Variants in PMS1 observed in about 807,000 individuals in gnomAD.
The protein encoded by PMS1 is PMS1 protein homolog 1.
PMS1 carries 79 observed loss-of-function variants against 93.1 expected under a neutral mutation model. That is an observed-to-expected ratio of 0.85 (90% CI 0.71 to 1.02). PMS1 has a LOEUF of 1.02. Among genes scored for constraint, PMS1 ranks in the 50% least tolerant of loss-of-function variants. The probability of loss-of-function intolerance (pLI) is 0.00; values close to 1 mark genes in which losing one functional copy is unlikely to be tolerated. For synonymous variants in PMS1, 335 were observed against 363.4 expected (o/e 0.92, Z 0.89); for missense variants, 1,064 against 1,085.3 (o/e 0.98, Z 0.28).
chr2:189,806,133 G>T, intron 4 of PMS1: 2 of 373,040 alleles, frequency 5.4e-6, no homozygotes, highest in Non-Finnish European at 9.5e-6. Flanking sequence ...ATACCATCAA[G>T]ATATGATTAA....
Position 189,854,844 on chromosome 2 carries a change from A to G in PMS1, c.1572A>G (p.Leu524=), listed in dbSNP as rs2055146615. The G allele has an allele frequency of 1.2e-6, 2 of 1,611,338 alleles. No individual in the cohort carries two copies. Among genetic ancestry groups the G allele is most frequent in the Non-Finnish European group, 8.5e-7 (1 of 1,177,618 alleles). The change falls in exon 9 of 13, where the codon TTA becomes TTG. Residue 524 remains leucine, a synonymous_variant. Transcript: ENST00000441310. ...AAATTTTAGTGCCTGAAAAAAGTTT[A>G]CCATGTAAAGTAAGTAATAATAATT... ...PVKILVPEKS[L]PCKVSNNNYP...
intron 9 of PMS1, chr2:189,857,606 C>T (rs2055485605): frequency 2.5e-6 from 1 of 394,544 alleles, no homozygotes; most frequent in Non-Finnish European, 5.2e-6. Flanking sequence ...TTCCTTTCTT[C>T]TTCTCTCGAT....
intron 3 of PMS1, 86 bp from the exon 4 acceptor site, chr2:189,805,566 T>C (rs979267780): frequency 1.1e-5 from 11 of 1,047,490 alleles, no homozygotes; most frequent in South Asian, 9.0e-5. Context: ...AGTAAATATA[T>C]TATGCAATAA....
At position 189,864,241 on chromosome 2, in the gene PMS1, A is replaced by G; in HGVS notation, c.2342+13A>G. The G allele has an allele frequency of 2.6e-6, 4 of 1,549,122 alleles. No individual in the cohort carries two copies. Among genetic ancestry groups the G allele is most frequent in the Non-Finnish European group, 3.6e-6 (4 of 1,121,930 alleles). On this transcript the variant is annotated intron_variant, in intron 10 of 12. Transcript: ENST00000441310. ...TGTTAACAGAGAGGTATGATGATAC[A>G]ATACTTTTTAAGAGTAAAAATATTT...
Position 189,817,241 on chromosome 2 carries a change from C to T in PMS1, c.419-776C>T, listed in dbSNP as rs5743040. Among the ~76,000 whole-genome samples the T allele has an allele frequency of 5.1e-3, 773 of 152,298 alleles. 3 individuals are homozygous for T. Among genetic ancestry groups the T allele is most frequent in the African/African-American group, 0.017 (712 of 41,556 alleles). On this transcript the variant is annotated intron_variant, in intron 4 of 12. Transcript: ENST00000441310. ...ACTATAAATTTATTTCATTACTCCT[C>T]AGTGTAATGATTCTCTACTCTGACT...
chr2:189,821,685 T>C (rs572573589), intron 5 of PMS1, among the ~76,000 whole-genome samples: 2 of 151,894 alleles, frequency 1.3e-5, no homozygotes, highest in Admixed American at 1.3e-4. Flanking sequence ...GGCAGATGCC[T>C]GTAATCCCAG....
intron 5 of PMS1, among the ~76,000 whole-genome samples, chr2:189,835,999 C>T (rs2053354771): frequency 6.7e-6 from 1 of 150,324 alleles, no homozygotes; most frequent in Non-Finnish European, 1.5e-5. Flanking sequence ...TCTGTGCCTA[C>T]AATTTGCAAG....
intron 4 of PMS1, among the ~76,000 whole-genome samples, chr2:189,815,905 C>G (rs2051255402): frequency 6.6e-6 from 1 of 152,078 alleles, no homozygotes; most frequent in Non-Finnish European, 1.5e-5. Context: ...CACAAAATGT[C>G]TTTTTTTCCC....
intron 4 of PMS1, among the ~76,000 whole-genome samples, chr2:189,814,805 A>T (rs1305337570): frequency 3.3e-5 from 5 of 152,128 alleles, no homozygotes; most frequent in African/African-American, 7.2e-5. Context: ...TTCAAAACAT[A>T]CGATACTCTG....
At chr2:189,863,421 C>T in intron 9 of PMS1, among the ~76,000 whole-genome samples, 1 of 151,866 alleles carries the variant, frequency 6.6e-6, no homozygotes, top group Non-Finnish European at 1.5e-5. Flanking sequence ...GCCTGGCTAA[C>T]TTTTGTGTTT....
At chr2:189,793,031 A>G (rs1014550676) in intron 2 of PMS1, among the ~76,000 whole-genome samples, 5 of 151,994 alleles carry the variant, frequency 3.3e-5, no homozygotes, top group Admixed American at 6.6e-5. Flanking sequence ...TCTGGTCTTG[A>G]ACTCCTGACC....
chr2:189,841,610 T>A (rs2053827255), intron 5 of PMS1, among the ~76,000 whole-genome samples: 1 of 152,060 alleles, frequency 6.6e-6, no homozygotes, highest in Admixed American at 6.5e-5. Flanking sequence ...GTAATATCAT[T>A]ACCACTACTT....
At chr2:189,842,516 C>A (rs2053897252) in intron 5 of PMS1, among the ~76,000 whole-genome samples, 2 of 152,136 alleles carry the variant, frequency 1.3e-5, no homozygotes, top group Non-Finnish European at 2.9e-5. Flanking sequence ...CACAGCCAAA[C>A]CTTGGTCTAG....
chr2:189,804,928 C>G (rs3791769), intron 3 of PMS1, among the ~76,000 whole-genome samples: 2 of 151,744 alleles, frequency 1.3e-5, no homozygotes, highest in Non-Finnish European at 2.9e-5. Context: ...GCATATTTTA[C>G]TATTGTACTT....
chr2:189,836,808 G>A (rs1001539380), intron 5 of PMS1, among the ~76,000 whole-genome samples: 2 of 152,184 alleles, frequency 1.3e-5, no homozygotes, highest in African/African-American at 4.8e-5. Context: ...TTACTTTAAA[G>A]TGAAATCACA....
intron 5 of PMS1, among the ~76,000 whole-genome samples, chr2:189,837,383 C>T (rs1306582865): frequency 6.6e-6 from 1 of 152,052 alleles, no homozygotes; most frequent in African/African-American, 2.4e-5. Context: ...CCCACCTTAG[C>T]CTTGTGAATA....
At chr2:189,821,169 A>C (rs1167262348) in intron 5 of PMS1, among the ~76,000 whole-genome samples, 1 of 152,216 alleles carries the variant, frequency 6.6e-6, no homozygotes, top group African/African-American at 2.4e-5. Flanking sequence ...TTGTAAAAGA[A>C]AAGTGGGCTG....
At chr2:189,864,944 T>C (rs1290630196) in intron 10 of PMS1, among the ~76,000 whole-genome samples, 1 of 151,374 alleles carries the variant, frequency 6.6e-6, no homozygotes, top group East Asian at 1.9e-4. Context: ...AAGTATACGA[T>C]GCATACCTTT....
chr2:189,810,980 C>CA (rs67298187), intron 4 of PMS1, among the ~76,000 whole-genome samples: 7,498 of 94,346 alleles, frequency 0.079, 325 homozygotes, highest in African/African-American at 0.15. Flanking sequence ...AATTAACAGA[C>CA]AAAAAAAAAA....
Sources: gnomAD v4.1 joint callset for allele counts (sites outside exome capture counted in the v4.1 genomes callset) on GRCh38, gnomAD v4.1.1 for gene constraint, MANE v1.5 for transcripts, NCBI Gene and HGNC (gene_info 2026-07-23, HGNC 2026-07-21) for gene names.